Variants in CCDC93 observed in about 807,000 individuals in gnomAD.
The protein encoded by CCDC93 is CCC complex scaffolding subunit CCDC93, also known as coiled-coil domain-containing protein 93.
A neutral mutation model predicts 108.2 loss-of-function variants in CCDC93; 61 were observed. The ratio of observed to expected loss-of-function variants is 0.56; its 90% CI spans 0.46 to 0.70. CCDC93 has a LOEUF of 0.70. Among genes scored for constraint, CCDC93 ranks in the 30% least tolerant of loss-of-function variants. CCDC93 has a pLI of 0.00. For missense variants in CCDC93, 685 were observed against 764.2 expected, an observed-to-expected ratio of 0.90 and a Z score of 1.22; for synonymous variants, 276 against 260.4, an observed-to-expected ratio of 1.06 and a Z score of -0.58.
At chr2:117,932,055 C>T (rs377308404) in intron 22 of CCDC93, among the ~76,000 whole-genome samples, 4 of 151,972 alleles carry the variant, frequency 2.6e-5, no homozygotes, top group African/African-American at 7.3e-5. Context: ...GGGGAGGTGA[C>T]GGAGAGGAGG....
At chr2:117,960,444 C>T (rs898650170) in intron 11 of CCDC93, among the ~76,000 whole-genome samples, 3 of 152,218 alleles carry the variant, frequency 2.0e-5, no homozygotes, top group Admixed American at 6.5e-5. Context: ...GCAGCTTTGG[C>T]ATGGATTGGG....
intron 11 of CCDC93, 35 bp from the exon 12 acceptor site, chr2:117,958,516 T>C (rs1281016283): frequency 8.1e-7 from 1 of 1,231,582 alleles, no homozygotes; most frequent in African/African-American, 1.5e-5. Flanking sequence ...CCAAAGGATT[T>C]AGTTAGTTGA....
chr2:117,984,279 T>A (rs1016223805), intron 7 of CCDC93, among the ~76,000 whole-genome samples: 1 of 152,098 alleles, frequency 6.6e-6, no homozygotes, highest in African/African-American at 2.4e-5. Context: ...TTAGCAGAAG[T>A]CAGCATGACC....
intron 20 of CCDC93, among the ~76,000 whole-genome samples, chr2:117,938,262 G>A (rs6725474): frequency 0.37 from 55,553 of 152,008 alleles, 10,942 homozygotes; most frequent in African/African-American, 0.49. Context: ...GCCAAAGCCC[G>A]TGTTCTCTTC....
rs547594735 is a variant in CCDC93, at chr2:117,990,814, A to C, written c.519+4632T>G. On this transcript the variant is annotated intron_variant, in intron 6 of 23. Transcript: ENST00000376300. ...AGCAACAAAACAGAATATATAGTACAATGCCATTTTTTTTTTGCAATCTCT... is the reference window on the plus strand; with the variant it reads ...AGCAACAAAACAGAATATATAGTACCATGCCATTTTTTTTTTGCAATCTCT... 9.9e-5 allele frequency among the ~76,000 whole-genome samples: 15 copies of C among 152,258 alleles called. 1 individual carries two copies. In the South Asian group the frequency reaches 3.1e-3, roughly 32 times the overall value.
intron 13 of CCDC93, chr2:117,951,318 A>G: frequency 1.0e-6 from 1 of 985,460 alleles, no homozygotes; most frequent in Non-Finnish European, 1.2e-6. Flanking sequence ...TCCAAAGGCA[A>G]GGCAGGCGTC....
intron 11 of CCDC93, among the ~76,000 whole-genome samples, chr2:117,970,582 T>C (rs1050306064): frequency 6.6e-6 from 1 of 152,236 alleles, no homozygotes; most frequent in Non-Finnish European, 1.5e-5. Flanking sequence ...ATCTGAAGTA[T>C]AGACTTTATT....
intron 12 of CCDC93, among the ~76,000 whole-genome samples, chr2:117,952,643 G>A (rs1158234391): frequency 6.6e-6 from 1 of 152,152 alleles, no homozygotes; most frequent in Non-Finnish European, 1.5e-5. Flanking sequence ...TAGGAATTTT[G>A]CATAAATTAT....
intron 8 of CCDC93, among the ~76,000 whole-genome samples, chr2:117,976,120 T>C (rs367604019): frequency 2.0e-5 from 3 of 152,186 alleles, no homozygotes; most frequent in South Asian, 4.1e-4. Context: ...AGGATGCTTT[T>C]CTATAACGAG....
At chr2:117,931,222 G>A (rs1678316984) in intron 22 of CCDC93, 72 bp from the exon 23 acceptor site, 2 of 961,678 alleles carry the variant, frequency 2.1e-6, no homozygotes, top group South Asian at 2.8e-5. Flanking sequence ...ACATCCAAAA[G>A]GCAACAGTTG....
rs1214463871 is a variant in CCDC93, at chr2:117,915,912, T to C, written c.*4431A>G. 1 of 152,208 alleles carries C rather than the reference T, an allele frequency of 6.6e-6. No homozygotes were observed. Among genetic ancestry groups the C allele is most frequent in the Non-Finnish European group, 1.5e-5 (1 of 68,030 alleles). The allele number at this position is 152,208 out of a possible 1,614,324, so 9.4% of individuals were successfully genotyped here. ...CACACACAGGATCCATTGTTTTAAA[T>C]TTCTACAAACTATTCCATTGTTTAA... On this transcript the variant is annotated 3_prime_UTR_variant, in exon 24 of 24. Transcript: ENST00000376300.
chr2:117,923,115 T>C (rs2104697806), intron 23 of CCDC93, among the ~76,000 whole-genome samples: 1 of 151,766 alleles, frequency 6.6e-6, no homozygotes, highest in South Asian at 2.1e-4. Flanking sequence ...TTAAATGAAA[T>C]ATGCAGGATT....
chr2:117,941,185 C>T lies in CCDC93; in HGVS notation c.1522+4G>A. On this transcript the variant is annotated splice_donor_region_variant and intron_variant, in intron 19 of 23. Coordinates refer to ENST00000376300, the MANE Select transcript of CCDC93 (RefSeq NM_019044.5). ...AAGAGCTTGTCTGTGGTCAATGCAC[C>T]TACTCTGGCGGTAGAGTTCAATAAA... The T allele has an allele frequency of 2.5e-6, 4 of 1,601,356 alleles. No individual in the cohort carries two copies. Among genetic ancestry groups the T allele is most frequent in the Non-Finnish European group, 1.7e-6 (2 of 1,168,570 alleles).
At chr2:118,013,858 C>T (rs919830654) in intron 1 of CCDC93, 96 bp downstream of exon 1, 11 of 1,115,524 alleles carry the variant, frequency 9.9e-6, no homozygotes, top group African/African-American at 6.5e-5. Flanking sequence ...GGCGGGGCGC[C>T]CCTAACGCAC....
At chr2:117,929,551 G>A (rs539686721) in intron 23 of CCDC93, among the ~76,000 whole-genome samples, 2 of 152,346 alleles carry the variant, frequency 1.3e-5, no homozygotes, top group South Asian at 4.1e-4. Flanking sequence ...TGCTTTGACA[G>A]CTTATACTTA....
At chr2:117,936,572 T>C in intron 21 of CCDC93, 130 bp downstream of exon 21, 1 of 775,282 alleles carries the variant, frequency 1.3e-6, no homozygotes, top group Non-Finnish European at 2.3e-6. Flanking sequence ...GCTAAAAGAG[T>C]AAGAATCACA....
chr2:117,975,567 C>T (rs774957273), intron 8 of CCDC93, among the ~76,000 whole-genome samples: 1 of 152,186 alleles, frequency 6.6e-6, no homozygotes, highest in Non-Finnish European at 1.5e-5. Context: ...ACTGGGGCTT[C>T]CCCCTACTTT....
At chr2:117,981,777 C>A (rs1243362459) in intron 7 of CCDC93, among the ~76,000 whole-genome samples, 2 of 152,130 alleles carry the variant, frequency 1.3e-5, no homozygotes, top group Non-Finnish European at 1.5e-5. Context: ...AAATTCTGTT[C>A]CTGAGCCACA....
At chr2:117,952,889 A>G (rs1303934681) in intron 12 of CCDC93, among the ~76,000 whole-genome samples, 1 of 152,202 alleles carries the variant, frequency 6.6e-6, no homozygotes, top group Non-Finnish European at 1.5e-5. Flanking sequence ...ATCCCAGCAT[A>G]AGACTGGTTG....
Sources: gnomAD v4.1 joint callset for allele counts (sites outside exome capture counted in the v4.1 genomes callset) on GRCh38, gnomAD v4.1.1 for gene constraint, MANE v1.5 for transcripts, NCBI Gene and HGNC (gene_info 2026-07-23, HGNC 2026-07-21) for gene names.